The following PHF8 variants were observed in gnomAD, a reference collection of about 807,000 sequenced individuals.
PHF8 encodes PHD finger protein 8.
PHF8 carries 9 observed loss-of-function variants against 74.4 expected under a neutral mutation model. That is an observed-to-expected ratio of 0.12 (90% CI 0.07 to 0.21). PHF8 has a LOEUF of 0.21. Ranked by LOEUF, PHF8 falls within the 10% of genes least tolerant of loss-of-function variation. The pLI is 1.00. For synonymous variants in PHF8, 311 were observed against 316.6 expected (o/e 0.98, Z 0.19); for missense variants, 478 against 816.6 (o/e 0.59, Z 5.05).
chrX:53,974,575 T>C (rs2065345000), intron 18 of PHF8, among the ~76,000 whole-genome samples: 1 of 111,810 alleles, frequency 8.9e-6, no homozygotes, highest in African/African-American at 3.3e-5. Flanking sequence ...CCCAAAGGAA[T>C]ATAAATAATT....
chrX:54,027,575 T>C (rs1332741433), intron 2 of PHF8, among the ~76,000 whole-genome samples: 1 of 111,632 alleles, frequency 9.0e-6, no homozygotes, highest in Non-Finnish European at 1.9e-5. Flanking sequence ...ACTGGTTTCC[T>C]GACCTCCTTG....
chrX:53,949,811 C>CAAAAAA (rs11353359), intron 19 of PHF8, among the ~76,000 whole-genome samples: 6 of 24,334 alleles, frequency 2.5e-4, no homozygotes, highest in Non-Finnish European at 4.0e-4. Flanking sequence ...GACTCCGTCT[C>CAAAAAA]AAAAAAAAAA....
chrX:54,029,836 T>TACCAATCACAA (rs1358855075), intron 2 of PHF8, among the ~76,000 whole-genome samples: 1 of 111,844 alleles, frequency 8.9e-6, no homozygotes, highest in East Asian at 2.8e-4. Flanking sequence ...TTCCATCACA[T>TACCAATCACAA]ACCAATCACA....
intron 2 of PHF8, among the ~76,000 whole-genome samples, chrX:54,027,861 A>T (rs781860899): frequency 9.0e-6 from 1 of 111,207 alleles, no homozygotes; most frequent in South Asian, 3.8e-4. Flanking sequence ...GACAAGAAAC[A>T]AGATAAATCA....
intron 8 of PHF8, among the ~76,000 whole-genome samples, chrX:54,003,261 A>G (rs2065851505): frequency 8.9e-6 from 1 of 112,048 alleles, no homozygotes; most frequent in African/African-American, 3.2e-5. Context: ...TGGGTCCTTA[A>G]TAGTTTTTAA....
chrX:54,042,146 T>C (rs781973655), intron 2 of PHF8, among the ~76,000 whole-genome samples: 1 of 109,377 alleles, frequency 9.1e-6, no homozygotes, highest in African/African-American at 3.3e-5. Context: ...CTACTAAAAA[T>C]ACAAAATCAG....
intron 1 of PHF8, chrX:54,043,241 A>G (rs2066594476): frequency 2.5e-6 from 1 of 405,485 alleles, no homozygotes; most frequent in Non-Finnish European, 3.1e-6. Flanking sequence ...ATCTCAAGAC[A>G]AGACCCTCCT....
chrX:54,009,881 A>AAAAAG (rs2065956245), intron 8 of PHF8, among the ~76,000 whole-genome samples: 8 of 99,762 alleles, frequency 8.0e-5, no homozygotes, highest in East Asian at 3.0e-4. Context: ...AAAAAAAAAA[A>AAAAAG]GTGGCTCTTT....
At chrX:54,034,401 G>A (rs375593941) in intron 2 of PHF8, among the ~76,000 whole-genome samples, 2 of 111,797 alleles carry the variant, frequency 1.8e-5, no homozygotes, top group African/African-American at 3.3e-5. Flanking sequence ...GTTTTCAAGC[G>A]CTGAGATAAA....
At chrX:54,009,103 G>A (rs1372033025) in intron 8 of PHF8, among the ~76,000 whole-genome samples, 2 of 111,464 alleles carry the variant, frequency 1.8e-5, no homozygotes, top group Non-Finnish European at 3.8e-5. Flanking sequence ...ACTTGAACCC[G>A]GGAGGCGGAA....
chrX:53,990,402 G>A (rs188782433), intron 14 of PHF8, among the ~76,000 whole-genome samples: 5 of 110,771 alleles, frequency 4.5e-5, no homozygotes, highest in African/African-American at 1.3e-4. Context: ...CAGCTGCAGC[G>A]GGTAATAGGC....
At chrX:54,025,022 G>T (rs1019900825) in intron 2 of PHF8, among the ~76,000 whole-genome samples, 5 of 109,581 alleles carry the variant, frequency 4.6e-5, no homozygotes, top group African/African-American at 1.7e-4. Flanking sequence ...GACTACAGGC[G>T]CCCACCACCA....
chrX:54,038,221 C>T (rs782140267), intron 2 of PHF8, among the ~76,000 whole-genome samples: 1 of 112,147 alleles, frequency 8.9e-6, no homozygotes, highest in South Asian at 3.7e-4. Flanking sequence ...TGAACAAATT[C>T]CCAGTTGATG....
chrX:54,034,685 G>A (rs1000370107), intron 2 of PHF8, among the ~76,000 whole-genome samples: 3 of 110,304 alleles, frequency 2.7e-5, no homozygotes, highest in Non-Finnish European at 5.7e-5. Context: ...TTAGCTGGGC[G>A]TGGTGGCGGG....
At chrX:53,961,852 C>A (rs1228933489) in intron 19 of PHF8, among the ~76,000 whole-genome samples, 1 of 111,267 alleles carries the variant, frequency 9.0e-6, no homozygotes, top group Non-Finnish European at 1.9e-5. Context: ...GCTCATGTAT[C>A]CTCGTATGCA....
chrX:54,028,068 G>A (rs1557111803), intron 2 of PHF8, among the ~76,000 whole-genome samples: 1 of 110,166 alleles, frequency 9.1e-6, no homozygotes, highest in African/African-American at 3.3e-5. Flanking sequence ...ATTAGATAGG[G>A]AAGACAGGGA....
intron 13 of PHF8, 47 bp from the exon 14 acceptor site, chrX:53,992,886 G>A: frequency 1.1e-6 from 1 of 871,052 alleles, no homozygotes; most frequent in Non-Finnish European, 1.7e-6. Flanking sequence ...GACTCCCATG[G>A]GAATCACGAT....
At chrX:54,013,279 T>C (rs1366181833) in intron 7 of PHF8, among the ~76,000 whole-genome samples, 1 of 111,985 alleles carries the variant, frequency 8.9e-6, no homozygotes, top group African/African-American at 3.2e-5. Flanking sequence ...AATGAAACTA[T>C]GGAAATCCTG....
intron 1 of PHF8, among the ~76,000 whole-genome samples, chrX:54,043,467 T>C (rs1048172097): frequency 9.0e-6 from 1 of 110,752 alleles, no homozygotes; most frequent in Non-Finnish European, 1.9e-5. Context: ...CCCCCAAAAC[T>C]GAAATAAATA....
Sources: gnomAD v4.1 joint callset for allele counts (sites outside exome capture counted in the v4.1 genomes callset) on GRCh38, gnomAD v4.1.1 for gene constraint, MANE v1.5 for transcripts, NCBI Gene and HGNC (gene_info 2026-07-23, HGNC 2026-07-21) for gene names.